The following OSBPL10 variants were observed in gnomAD, a reference collection of about 807,000 sequenced individuals.
The protein encoded by OSBPL10 is oxysterol binding protein like 10, also known as oxysterol-binding protein-related protein 10.
Under a neutral mutation model 81.7 loss-of-function variants are expected in OSBPL10, and 49 were observed. The ratio of observed to expected loss-of-function variants is 0.60; its 90% CI spans 0.48 to 0.76. The LOEUF (loss-of-function observed/expected upper bound fraction) is 0.76, where lower values mean the gene tolerates loss of function less well. Ranked by LOEUF, OSBPL10 falls within the 30% of genes least tolerant of loss-of-function variation. The pLI is 0.00. For missense variants in OSBPL10, 923 were observed against 987.8 expected (o/e 0.93, Z 0.88); for synonymous variants, 419 against 383.6 (o/e 1.09, Z -1.08).
At position 31,847,354 on chromosome 3, in the gene OSBPL10, C is replaced by T. The variant is rs142192670; in HGVS notation, c.538-17123G>A. ...TGGGAGTACAGGCGTGCCCACCACACCTGGCTGATTTTTGTACTTTGACGG... is the reference window on the plus strand; with the variant it reads ...TGGGAGTACAGGCGTGCCCACCACATCTGGCTGATTTTTGTACTTTGACGG... On this transcript the variant is annotated intron_variant, in intron 3 of 11. Transcript: ENST00000396556. Among the ~76,000 whole-genome samples, 932 of 152,216 alleles carry T rather than the reference C, an allele frequency of 6.1e-3. 9 individuals are homozygous for T. Among genetic ancestry groups the T allele is most frequent in the African/African-American group, 0.021 (872 of 41,510 alleles).
At chr3:31,844,393 G>T (rs1700576411) in intron 3 of OSBPL10, among the ~76,000 whole-genome samples, 1 of 152,150 alleles carries the variant, frequency 6.6e-6, no homozygotes, top group Non-Finnish European at 1.5e-5. Flanking sequence ...TAGTCAAAAG[G>T]CAGAAATAAC....
intron 4 of OSBPL10, among the ~76,000 whole-genome samples, chr3:31,756,074 G>A (rs185975826): frequency 5.3e-5 from 8 of 152,268 alleles, no homozygotes; most frequent in South Asian, 4.1e-4. Context: ...ACAACTTATC[G>A]TACGGGTCTG....
At chr3:31,811,607 T>C (rs939098259) in intron 4 of OSBPL10, among the ~76,000 whole-genome samples, 6 of 152,210 alleles carry the variant, frequency 3.9e-5, no homozygotes, top group Non-Finnish European at 8.8e-5. Context: ...TACAGAGCTA[T>C]TTCCATGTGA....
intron 3 of OSBPL10, among the ~76,000 whole-genome samples, chr3:31,854,062 G>C (rs575035758): frequency 6.6e-6 from 1 of 151,680 alleles, no homozygotes; most frequent in Non-Finnish European, 1.5e-5. Flanking sequence ...GCATAACAAT[G>C]TTCATCTATC....
intron 4 of OSBPL10, among the ~76,000 whole-genome samples, chr3:31,762,702 C>A (rs189891665): frequency 7.3e-6 from 1 of 136,998 alleles, no homozygotes. Flanking sequence ...CTCCTGAGCT[C>A]GAGGGATCTT....
intron 1 of OSBPL10, among the ~76,000 whole-genome samples, chr3:31,918,435 C>G (rs930957038): frequency 6.6e-6 from 1 of 151,904 alleles, no homozygotes; most frequent in Non-Finnish European, 1.5e-5. Flanking sequence ...CTCAAACGAT[C>G]CTCCTGCCTC....
At chr3:31,989,562 G>C in intron 2 of OSBPL10, 1 of 1,614,126 alleles carries the variant, frequency 6.2e-7, no homozygotes. Context: ...GCTTTCATTC[G>C]CATCTTCCTG....
At chr3:32,069,527 G>A (rs533850862) in intron 1 of OSBPL10, among the ~76,000 whole-genome samples, 9 of 152,296 alleles carry the variant, frequency 5.9e-5, no homozygotes, top group African/African-American at 9.6e-5. Flanking sequence ...TTCATGGCCC[G>A]CTTAACAGCA....
At chr3:31,800,659 A>G (rs773798748) in intron 4 of OSBPL10, among the ~76,000 whole-genome samples, 17 of 152,206 alleles carry the variant, frequency 1.1e-4, no homozygotes, top group Non-Finnish European at 1.9e-4. Flanking sequence ...TACAGCAAGG[A>G]AAGACTTTTA....
At position 31,734,441 on chromosome 3, in the gene OSBPL10, G is replaced by A. The variant is rs80180057; in HGVS notation, c.941-1030C>T. Among the ~76,000 whole-genome samples the A allele has an allele frequency of 9.2e-3, 1,402 of 152,062 alleles. 13 individuals carry two copies. The highest frequency in any genetic ancestry group is 0.01 in the Non-Finnish European group (700 of 67,974). On this transcript the variant is annotated intron_variant, in intron 5 of 11. Transcript: ENST00000396556. ...TTACCCCATAGCAATTCTGCCATTC[G>A]AATAAAGAGGTCTCAGCTGGGTGCA...
In OSBPL10 at chr3:31,761,813, T is replaced by TAAAAAAAAAAAAAAAAAAA. The variant is rs34579457; in HGVS notation, c.730-13694_730-13693insTTTTTTTTTTTTTTTTTTT. ...CTGGGCAACAGAGCAAGACTGTCTC[T>TAAAAAAAAAAAAAAAAAAA]AAAAAAAAAAAAAAAAAACCCTAAA... On this transcript the variant is annotated intron_variant, in intron 4 of 11. Transcript: ENST00000396556. 9.7e-4 allele frequency among the ~76,000 whole-genome samples: 104 copies of TAAAAAAAAAAAAAAAAAAA among 107,498 alleles called. 6 individuals are homozygous for TAAAAAAAAAAAAAAAAAAA. The highest frequency in any genetic ancestry group is 6.4e-3 in the African/African-American group (100 of 15,678). The allele number at this position is 107,498 out of a possible 152,430, so 70.5% of individuals were successfully genotyped here.
intron 1 of OSBPL10, among the ~76,000 whole-genome samples, chr3:31,975,625 A>T (rs1698676208): frequency 6.6e-6 from 1 of 152,164 alleles, no homozygotes; most frequent in African/African-American, 2.4e-5. Context: ...AGGAAGAGTC[A>T]TACTCCCTGA....
At chr3:31,730,273 G>A (rs988850666) in intron 6 of OSBPL10, among the ~76,000 whole-genome samples, 1 of 151,982 alleles carries the variant, frequency 6.6e-6, no homozygotes. Context: ...CCCGGGAGGC[G>A]GAGGTTGCAG....
intron 4 of OSBPL10, among the ~76,000 whole-genome samples, chr3:31,802,741 C>A (rs1275431780): frequency 6.6e-6 from 1 of 151,924 alleles, no homozygotes; most frequent in East Asian, 1.9e-4. Context: ...TTCCTGCAAA[C>A]GGATCCTGAA....
intron 3 of OSBPL10, among the ~76,000 whole-genome samples, chr3:31,872,467 T>C (rs551545207): frequency 1.3e-5 from 2 of 151,682 alleles, no homozygotes; most frequent in African/African-American, 4.8e-5. Flanking sequence ...TTTTTTTTTT[T>C]TAAGTCTGGG....
intron 11 of OSBPL10, chr3:31,662,941 G>C (rs761116820): frequency 1.0e-6 from 1 of 985,432 alleles, no homozygotes; most frequent in Non-Finnish European, 1.2e-6. Context: ...GACCCATAAA[G>C]GCAAAGTCTT....
In OSBPL10 at chr3:31,702,440, C is replaced by T. The variant is rs147971848; in HGVS notation, c.1164G>A (p.Thr388=). Residue 388 remains threonine (T), a synonymous_variant, in exon 7 of 12, where the codon ACG becomes ACA. Coordinates refer to ENST00000396556, the MANE Select transcript of OSBPL10 (RefSeq NM_017784.5). ...GCTGATCCTCCATGACGCCCAATTC[C>T]GTCTCTTCCTTATCTTCATTGTCAC... The part of the protein sequence containing the change: ...EKSDNEDKEE[T]ELGVMEDQRS... The T allele has an allele frequency of 1.5e-5, 24 of 1,614,134 alleles. No homozygotes were observed. The highest frequency in any genetic ancestry group is 9.3e-5 in the African/African-American group (7 of 75,042).
intron 3 of OSBPL10, among the ~76,000 whole-genome samples, chr3:31,853,964 T>C (rs1700839068): frequency 6.6e-6 from 1 of 152,230 alleles, no homozygotes; most frequent in Non-Finnish European, 1.5e-5. Context: ...ACATATCTTA[T>C]AAGGATATTG....
intron 6 of OSBPL10, among the ~76,000 whole-genome samples, chr3:31,707,705 T>C (rs1020275203): frequency 2.0e-5 from 3 of 152,116 alleles, no homozygotes; most frequent in Non-Finnish European, 4.4e-5. Flanking sequence ...AAGAGAACTG[T>C]CAGGTACACA....
Sources: allele counts gnomAD v4.1 joint callset (sites outside exome capture counted in the v4.1 genomes callset), GRCh38; gene constraint gnomAD v4.1.1; transcripts MANE v1.5; gene names NCBI Gene and HGNC (gene_info 2026-07-23, HGNC 2026-07-21).